The following SLC35F4 variants were observed in gnomAD, a reference collection of about 807,000 sequenced individuals.
SLC35F4 encodes the protein solute carrier family 35 member F4, also known as chromosome 14 open reading frame 36.
In SLC35F4, 24 loss-of-function variants were observed where a neutral mutation model predicts 44.2. The ratio of observed to expected loss-of-function variants is 0.54; its 90% CI spans 0.39 to 0.76. The LOEUF is 0.76. Ranked by LOEUF, SLC35F4 falls within the 30% of genes least tolerant of loss-of-function variation. SLC35F4 has a pLI of 0.00. For missense variants in SLC35F4, 562 were observed against 586.1 expected, an observed-to-expected ratio of 0.96 and a Z score of 0.42; for synonymous variants, 238 against 223.6, an observed-to-expected ratio of 1.06 and a Z score of -0.57.
At chr14:57,752,407 G>A (rs929045795) in intron 1 of SLC35F4, among the ~76,000 whole-genome samples, 4 of 151,846 alleles carry the variant, frequency 2.6e-5, no homozygotes, top group Admixed American at 6.6e-5. Context: ...TCCATCGGTC[G>A]GCTCTGCTAG....
chr14:57,578,423 G>T (rs990990185), intron 4 of SLC35F4, among the ~76,000 whole-genome samples: 1 of 127,904 alleles, frequency 7.8e-6, no homozygotes, highest in Non-Finnish European at 1.6e-5. Context: ...ATAGATGTGG[G>T]CAATAAGAGC....
intron 3 of SLC35F4, among the ~76,000 whole-genome samples, chr14:57,583,541 C>G (rs1232211348): frequency 1.3e-5 from 2 of 152,206 alleles, no homozygotes; most frequent in African/African-American, 2.4e-5. Flanking sequence ...TCCAATCCCA[C>G]AGGGAAGACC....
At chr14:57,794,711 C>T (rs1266012900) in intron 1 of SLC35F4, among the ~76,000 whole-genome samples, 1 of 151,890 alleles carries the variant, frequency 6.6e-6, no homozygotes, top group African/African-American at 2.4e-5. Context: ...TCATTCTGGC[C>T]ACTTGACCTG....
At chr14:57,976,017 T>C (rs1249051339), downstream of SLC35F4, among the ~76,000 whole-genome samples, 1 of 152,138 alleles carries the variant, frequency 6.6e-6, no homozygotes, top group South Asian at 2.1e-4. Context: ...CTGACTTCTA[T>C]AAAATGAAAG....
intron 1 of SLC35F4, among the ~76,000 whole-genome samples, chr14:57,977,208 A>G (rs915645476): frequency 1.3e-5 from 2 of 152,170 alleles, no homozygotes; most frequent in African/African-American, 4.8e-5. Context: ...GAGTGCTCTA[A>G]TTTATATAAC....
In SLC35F4 at chr14:57,707,099, A is replaced by G. The variant is rs1020189447; in HGVS notation, c.104-112975T>C. ...AAGGTATTGGGAAAAAGAATCAGTA[A>G]AACTTTGAAACTGGGGGAATGTGGA... is the stretch of plus-strand genomic sequence containing the variant. On this transcript the variant is annotated intron_variant, in intron 1 of 7. Transcript: ENST00000556826. Among the ~76,000 whole-genome samples the G allele has an allele frequency of 3.9e-5, 6 of 152,192 alleles. No homozygotes were observed. The East Asian group carries it at 1.2e-3, about 29-fold the overall frequency.
intron 1 of SLC35F4, among the ~76,000 whole-genome samples, chr14:57,772,428 A>G (rs935442419): frequency 3.9e-5 from 6 of 152,018 alleles, no homozygotes; most frequent in Non-Finnish European, 5.9e-5. Flanking sequence ...TTATATGGGT[A>G]TATTGCATAC....
At chr14:57,642,071 A>G (rs2073269242) in intron 1 of SLC35F4, among the ~76,000 whole-genome samples, 1 of 152,014 alleles carries the variant, frequency 6.6e-6, no homozygotes, top group African/African-American at 2.4e-5. Flanking sequence ...GCTTGACCCT[A>G]GAGATTCATT....
chr14:57,842,272 A>G (rs918468185), intron 1 of SLC35F4, among the ~76,000 whole-genome samples: 4 of 152,174 alleles, frequency 2.6e-5, no homozygotes, highest in Non-Finnish European at 5.9e-5. Flanking sequence ...TTACATGAGG[A>G]AATTAGTTAT....
intron 1 of SLC35F4, among the ~76,000 whole-genome samples, chr14:57,947,454 T>C (rs1890057199): frequency 6.6e-6 from 1 of 152,194 alleles, no homozygotes; most frequent in Non-Finnish European, 1.5e-5. Flanking sequence ...GTCTTCTAGG[T>C]AAACAACCAT....
chr14:57,929,503 T>A (rs1594632222), intron 1 of SLC35F4, among the ~76,000 whole-genome samples: 1 of 152,102 alleles, frequency 6.6e-6, no homozygotes, highest in Non-Finnish European at 1.5e-5. Flanking sequence ...GTTCAGGAGA[T>A]ACTGACACTA....
chr14:57,705,847 T>C (rs776598891), intron 1 of SLC35F4, among the ~76,000 whole-genome samples: 51 of 152,208 alleles, frequency 3.4e-4, no homozygotes, highest in Non-Finnish European at 5.7e-4. Context: ...TTTTCTTATA[T>C]AGATGTTTCC....
rs560256748 is a variant in SLC35F4 at position 57,643,722 on chromosome 14, T to A, written c.104-49598A>T. On this transcript the variant is annotated intron_variant, in intron 1 of 7. Transcript: ENST00000556826. Reference sequence around the variant, plus strand: ...ATGCTGGTGTGCTGCACCCATTAACTCCTCATTTAGCATTAGGTATATCTC... The same window carrying A: ...ATGCTGGTGTGCTGCACCCATTAACACCTCATTTAGCATTAGGTATATCTC... 2.0e-5 allele frequency among the ~76,000 whole-genome samples: 3 copies of A among 152,306 alleles called. 1 individual carries two copies. The South Asian group carries it at 6.2e-4, about 32-fold the overall frequency.
intron 1 of SLC35F4, among the ~76,000 whole-genome samples, chr14:57,648,803 A>C (rs951441247): frequency 8.5e-5 from 13 of 152,206 alleles, no homozygotes; most frequent in Non-Finnish European, 1.9e-4. Context: ...ACTCTCTCTC[A>C]CATTAGCTGT....
chr14:57,836,711 G>T (rs2140949589), intron 1 of SLC35F4, among the ~76,000 whole-genome samples: 1 of 152,128 alleles, frequency 6.6e-6, no homozygotes, highest in African/African-American at 2.4e-5. Flanking sequence ...GACCAATCTT[G>T]TTTCCTTTGT....
At chr14:57,684,626 T>TG in intron 1 of SLC35F4, among the ~76,000 whole-genome samples, 1 of 152,268 alleles carries the variant, frequency 6.6e-6, no homozygotes. Context: ...GCCAGGAGGT[T>TG]GGGGAGCCTG....
At chr14:57,853,269 T>A (rs1886751414) in intron 1 of SLC35F4, among the ~76,000 whole-genome samples, 1 of 152,204 alleles carries the variant, frequency 6.6e-6, no homozygotes, top group Admixed American at 6.5e-5. Context: ...TGATACAGTA[T>A]CTATAAGTTC....
chr14:57,565,655 G>A (rs766193155), intron 7 of SLC35F4, among the ~76,000 whole-genome samples: 9 of 152,162 alleles, frequency 5.9e-5, no homozygotes, highest in Non-Finnish European at 8.8e-5. Context: ...ACAGCCACTG[G>A]AGTCTGTCTC....
intron 1 of SLC35F4, among the ~76,000 whole-genome samples, chr14:57,903,577 A>G (rs1214941751): frequency 6.6e-6 from 1 of 152,202 alleles, no homozygotes; most frequent in Non-Finnish European, 1.5e-5. Flanking sequence ...CTCAAGATCC[A>G]TCATCAGATA....
Sources: allele counts gnomAD v4.1 joint callset (sites outside exome capture counted in the v4.1 genomes callset), GRCh38; gene constraint gnomAD v4.1.1; transcripts MANE v1.5; gene names NCBI Gene and HGNC (gene_info 2026-07-23, HGNC 2026-07-21).